TAS2R4: variants seen among roughly 807,000 people sequenced by gnomAD.
TAS2R4 encodes the protein taste receptor type 2 member 4.
In TAS2R4, 18 loss-of-function variants were observed where a neutral mutation model predicts 14.3. The ratio of observed to expected loss-of-function variants is 1.26; its 90% confidence interval spans 0.87 to 1.86. The LOEUF (loss-of-function observed/expected upper bound fraction) is 1.86, where lower values mean the gene tolerates loss of function less well. Among genes scored for constraint, TAS2R4 ranks in the 40% most tolerant of loss-of-function variants. TAS2R4 has a pLI of 0.00. For synonymous variants in TAS2R4, 130 were observed against 138.5 expected (o/e 0.94, Z 0.43); for missense variants, 306 against 342.7 (o/e 0.89, Z 0.85).
At position 141,779,295 on chromosome 7, in the gene TAS2R4, CACCCTTT is replaced by C; in HGVS notation, c.810_816del (p.Tyr272GlnfsTer14). 6.2e-7 allele frequency: 1 copy of C among 1,614,150 alleles called. No homozygotes were observed. Among genetic ancestry groups the C allele is most frequent in the Non-Finnish European group, 8.5e-7 (1 of 1,180,028 alleles). On this transcript the variant is annotated frameshift_variant, in exon 1 of 1. Transcript: ENST00000247881. LOFTEE classifies it high-confidence loss of function. The stretch of plus-strand genomic sequence containing the variant: ...CCAAATCCATTTGTCTGATTTTTGC[CACCCTTT>C]ACTCTCCAGGACATTCTGTTCTCAT...
At position 141,778,406 on chromosome 7, in the gene TAS2R4, A is replaced by C; in HGVS notation, c.-83A>C. 1 of 1,298,954 alleles carries C rather than the reference A, an allele frequency of 7.7e-7. No homozygotes were observed. Among genetic ancestry groups the C allele is most frequent in the Non-Finnish European group, 1.1e-6 (1 of 943,368 alleles). 80.5% of individuals were successfully genotyped at this position (1,298,954 alleles called of 1,614,324 possible). ...AAAAGGAGATGTCCTTCCTGGCTGG[A>C]TACTGGTGTCTGCTTATACATTTTG... is the stretch of plus-strand genomic sequence containing the variant. On this transcript the variant is annotated 5_prime_UTR_variant, in exon 1 of 1. Transcript: ENST00000247881.
In TAS2R4 at chr7:141,778,669, C is replaced by T; in HGVS notation, c.181C>T (p.Leu61=). 6.2e-7 allele frequency: 1 copy of T among 1,614,206 alleles called. No homozygotes were observed. The highest frequency in any genetic ancestry group is 1.3e-5 in the African/African-American group (1 of 75,046). Residue 61 remains leucine, a synonymous_variant, in exon 1 of 1, where the codon CTA becomes TTA. Transcript: ENST00000247881. ...LGITRFLMLG[L]FLVNTIYFVS... is the part of the protein sequence containing the mutation. ...CATCACCAGGTTTCTTATGCTGGGA[C>T]TATTTCTGGTGAACACCATCTACTT...
rs952699726 is a variant in TAS2R4 at position 141,777,842 on chromosome 7, A to T, written c.-647A>T. 6.6e-6 allele frequency among the ~76,000 whole-genome samples: 1 copy of T among 152,234 alleles called. No homozygotes were observed. Among genetic ancestry groups the T allele is most frequent in the Non-Finnish European group, 1.5e-5 (1 of 68,044 alleles). ...AGCAAAGGGCATCAGAAAGAATGGGATTAATTGAGAAAGGTTTTCTCAAGG... is the reference window on the plus strand; with the variant it reads ...AGCAAAGGGCATCAGAAAGAATGGGTTTAATTGAGAAAGGTTTTCTCAAGG... On this transcript the variant is annotated 5_prime_UTR_variant, in exon 1 of 1. Transcript: ENST00000247881.
Position 141,776,746 on chromosome 7 carries a change from A to T in TAS2R4, c.-1743A>T, listed in dbSNP as rs1191796748. Among the ~76,000 whole-genome samples the T allele has an allele frequency of 1.3e-5, 2 of 151,740 alleles. No homozygotes were observed. The highest frequency in any genetic ancestry group is 2.4e-5 in the African/African-American group (1 of 41,240). On this transcript the variant is annotated 5_prime_UTR_variant, in exon 1 of 1. Coordinates refer to ENST00000247881, the MANE Select transcript of TAS2R4 (RefSeq NM_016944.2). Reference sequence around the variant, plus strand: ...TATCCTTATCATCCTTATCATCATGATAAGGAAAACAGCTAGGAAGTTTAA... The same window carrying T: ...TATCCTTATCATCCTTATCATCATGTTAAGGAAAACAGCTAGGAAGTTTAA...
Position 141,778,310 on chromosome 7 carries a change from AG to A in TAS2R4, c.-178del. On this transcript the variant is annotated 5_prime_UTR_variant, in exon 1 of 1. Transcript: ENST00000247881. ...AAGAAATAGTAATGTAATCCTTGGA[AG>A]ATTTGCATCTCAGTAAAATCAGGTG... 1.7e-6 allele frequency: 1 copy of A among 599,130 alleles called. No homozygotes were observed. The highest frequency in any genetic ancestry group is 1.8e-5 in the African/African-American group (1 of 54,072). The allele number at this position is 599,130 out of a possible 1,614,324, so 37.1% of individuals were successfully genotyped here.
rs1800263056 is a variant in TAS2R4 at position 141,777,863 on chromosome 7, C to T, written c.-626C>T. Among the ~76,000 whole-genome samples, 1 of 152,154 alleles carries T rather than the reference C, an allele frequency of 6.6e-6. No homozygotes were observed. Among genetic ancestry groups the T allele is most frequent in the South Asian group, 2.1e-4 (1 of 4,820 alleles). The stretch of plus-strand genomic sequence containing the variant: ...TGGGATTAATTGAGAAAGGTTTTCT[C>T]AAGGAGGTATTGGGTCTTTGAACTT... On this transcript the variant is annotated 5_prime_UTR_variant, in exon 1 of 1. Transcript: ENST00000247881.
In TAS2R4 at chr7:141,779,204, AC is replaced by A; in HGVS notation, c.717del (p.Tyr239Ter). On this transcript the variant is annotated frameshift_variant, in exon 1 of 1. Coordinates refer to ENST00000247881, the MANE Select transcript of TAS2R4 (RefSeq NM_016944.2). LOFTEE classifies it high-confidence loss of function. ...MKLMVYFLIL[Y>X]IPYSVATLVQ... ...CTGATGGTCTATTTCCTCATCCTCT[AC>A]ATTCCATATTCAGTTGCTACCCTGG... is the stretch of plus-strand genomic sequence containing the variant. The A allele has an allele frequency of 6.2e-7, 1 of 1,614,178 alleles. No homozygotes were observed. The highest frequency in any genetic ancestry group is 8.5e-7 in the Non-Finnish European group (1 of 1,180,018).
At position 141,778,964 on chromosome 7, in the gene TAS2R4, T is replaced by G. The variant is rs753109797; in HGVS notation, c.476T>G (p.Leu159Arg). ...AGCCAGGCATCACCTTTTCCTGAAC[T>G]TGTGACTACGAGAAATAACACATCA... ...TLSQASPFPE[L>R]VTTRNNTSFN... The change falls in exon 1 of 1, where the codon CTT (leucine) becomes CGT (arginine). Residue 159 changes from leucine (L) to arginine (R), a missense_variant. Physicochemically the swap from Leu to Arg is moderately radical, Grantham distance 102. Transcript: ENST00000247881. The G allele has an allele frequency of 6.2e-7, 1 of 1,614,244 alleles. No homozygotes were observed. The highest frequency in any genetic ancestry group is 1.3e-5 in the African/African-American group (1 of 75,058).
chr7:141,778,675 C>T lies in TAS2R4; in HGVS notation c.187C>T (p.Leu63=), dbSNP rs897090818. 2 of 1,614,214 alleles carry T rather than the reference C, an allele frequency of 1.2e-6. No individual in the cohort carries two copies. The highest frequency in any genetic ancestry group is 2.7e-5 in the African/African-American group (2 of 75,048). Residue 63 remains leucine, a synonymous_variant, in exon 1 of 1, where the codon CTG becomes TTG. Coordinates refer to ENST00000247881, the MANE Select transcript of TAS2R4 (RefSeq NM_016944.2). The part of the protein sequence containing the change: ...ITRFLMLGLF[L]VNTIYFVSSN... ...CAGGTTTCTTATGCTGGGACTATTT[C>T]TGGTGAACACCATCTACTTCGTCTC...
chr7:141,779,216 C>A lies in TAS2R4; in HGVS notation c.728C>A (p.Ser243Ter). The change falls in exon 1 of 1, where the codon TCA becomes TAA. Residue 243 changes from serine to a stop codon, truncating the protein, a stop_gained. Coordinates refer to ENST00000247881, the MANE Select transcript of TAS2R4 (RefSeq NM_016944.2). LOFTEE classifies it high-confidence loss of function. ...VYFLILYIPY[S>*]VATLVQYLPF... ...TTCCTCATCCTCTACATTCCATATT[C>A]AGTTGCTACCCTGGTCCAGTATCTC... 6.2e-7 allele frequency: 1 copy of A among 1,614,204 alleles called. No individual in the cohort carries two copies.
In TAS2R4 at chr7:141,777,470, A is replaced by G. The variant is rs1800257849; in HGVS notation, c.-1019A>G. Reference sequence around the variant, plus strand: ...CACCTTGGTTTCATTCAGCTGCTAGAGAAGATAAGAGATGCCATACTCTTA... The same window carrying G: ...CACCTTGGTTTCATTCAGCTGCTAGGGAAGATAAGAGATGCCATACTCTTA... On this transcript the variant is annotated 5_prime_UTR_variant, in exon 1 of 1. Coordinates refer to ENST00000247881, the MANE Select transcript of TAS2R4 (RefSeq NM_016944.2). Among the ~76,000 whole-genome samples the G allele has an allele frequency of 6.6e-6, 1 of 152,206 alleles. No individual in the cohort carries two copies. The highest frequency in any genetic ancestry group is 1.5e-5 in the Non-Finnish European group (1 of 68,032).
At position 141,779,704 on chromosome 7, in the gene TAS2R4, C is replaced by A; in HGVS notation, c.*316C>A. 4.0e-6 allele frequency: 1 copy of A among 250,028 alleles called. No homozygotes were observed. The highest frequency in any genetic ancestry group is 2.3e-5 in the African/African-American group (1 of 44,234). The allele number at this position is 250,028 out of a possible 1,614,324, so 15.5% of individuals were successfully genotyped here. On this transcript the variant is annotated 3_prime_UTR_variant, in exon 1 of 1. Coordinates refer to ENST00000247881, the MANE Select transcript of TAS2R4 (RefSeq NM_016944.2). ...TATTGAAGTATAATGGGAAATTCTT[C>A]CAAATTAGAGAACACATTGGGGTGC...
rs1800316189 is a variant in TAS2R4 at position 141,781,238 on chromosome 7, A to G, written c.*1850A>G. On this transcript the variant is annotated 3_prime_UTR_variant, in exon 1 of 1. Coordinates refer to ENST00000247881, the MANE Select transcript of TAS2R4 (RefSeq NM_016944.2). The stretch of plus-strand genomic sequence containing the variant: ...ACATCATGATTGTCTATCTTGGACA[A>G]TGCAGATGAGGTGAATGCTTGGGAT... 6.6e-6 allele frequency among the ~76,000 whole-genome samples: 1 copy of G among 152,180 alleles called. No individual in the cohort carries two copies.
At position 141,779,542 on chromosome 7, in the gene TAS2R4, ATT is replaced by A. The variant is rs3840580; in HGVS notation, c.*165_*166del. 0.46 allele frequency: 279,468 copies of A among 608,996 alleles called. 62,008 individuals are homozygous for A. Among genetic ancestry groups the A allele is most frequent in the East Asian group, 0.65 (20,608 of 31,668 alleles). The allele number at this position is 608,996 out of a possible 1,614,324, so 37.7% of individuals were successfully genotyped here. On this transcript the variant is annotated 3_prime_UTR_variant, in exon 1 of 1. Coordinates refer to ENST00000247881, the MANE Select transcript of TAS2R4 (RefSeq NM_016944.2). ...TGCCTGAATTTCAGTTCATTCTGTA[ATT>A]TTTTTTTTTTGGTATGTAAGTATTT...
rs548412930 is a variant in TAS2R4, at chr7:141,777,651, G to C, written c.-838G>C. ...CTGTGTATCTCATTCCAGGGTACCT[G>C]GATTGACAGTTAAATGCCTAAGAGA... On this transcript the variant is annotated 5_prime_UTR_variant, in exon 1 of 1. Transcript: ENST00000247881. Among the ~76,000 whole-genome samples the C allele has an allele frequency of 6.6e-6, 1 of 152,252 alleles. No individual in the cohort carries two copies. Among genetic ancestry groups the C allele is most frequent in the Admixed American group, 6.5e-5 (1 of 15,298 alleles).
At position 141,781,272 on chromosome 7, in the gene TAS2R4, A is replaced by G. The variant is rs1436650687; in HGVS notation, c.*1884A>G. On this transcript the variant is annotated 3_prime_UTR_variant, in exon 1 of 1. Coordinates refer to ENST00000247881, the MANE Select transcript of TAS2R4 (RefSeq NM_016944.2). ...AGGTGAATGCTTGGGATAGTGAAGT[A>G]ATTCTCCATCCTAGAGCTGGCTCCA... Among the ~76,000 whole-genome samples the G allele has an allele frequency of 2.0e-5, 3 of 152,178 alleles. No homozygotes were observed. The East Asian group carries it at 5.8e-4, about 29-fold the overall frequency.
At position 141,780,784 on chromosome 7, in the gene TAS2R4, CAT is replaced by C. The variant is rs1455912461; in HGVS notation, c.*1399_*1400del. On this transcript the variant is annotated 3_prime_UTR_variant, in exon 1 of 1. Coordinates refer to ENST00000247881, the MANE Select transcript of TAS2R4 (RefSeq NM_016944.2). ...TCATAAAATGCTTATGTAATATTTA[CAT>C]ATGTCAAATAAATCTTAAAATTTTA... is the stretch of plus-strand genomic sequence containing the variant. 1 of 152,210 alleles carries C rather than the reference CAT, an allele frequency of 6.6e-6. No individual in the cohort carries two copies. The highest frequency in any genetic ancestry group is 1.9e-4 in the East Asian group (1 of 5,174). The allele number at this position is 152,210 out of a possible 1,614,324, so 9.4% of individuals were successfully genotyped here. A position where few individuals can be genotyped will look rare whatever the true frequency, so the allele number is the denominator to read the frequency against.
chr7:141,780,159 G>C lies in TAS2R4; in HGVS notation c.*771G>C, dbSNP rs1800304656. On this transcript the variant is annotated 3_prime_UTR_variant, in exon 1 of 1. Coordinates refer to ENST00000247881, the MANE Select transcript of TAS2R4 (RefSeq NM_016944.2). ...GGAGGCGGAGCTTGCAGTGAGATGAGATCGCGCCACTGCACTCCAGTCTGG... is the reference window on the plus strand; with the variant it reads ...GGAGGCGGAGCTTGCAGTGAGATGACATCGCGCCACTGCACTCCAGTCTGG... 1 of 152,472 alleles carries C rather than the reference G, an allele frequency of 6.6e-6. No individual in the cohort carries two copies. The highest frequency in any genetic ancestry group is 1.5e-5 in the Non-Finnish European group (1 of 68,310). 9.4% of individuals were successfully genotyped at this position (152,472 alleles called of 1,614,324 possible).
rs1470667613 is a variant in TAS2R4, at chr7:141,779,087, T to TA, written c.600dup (p.His201ThrfsTer86). 20 of 1,614,114 alleles carry TA rather than the reference T, an allele frequency of 1.2e-5. No homozygotes were observed. Among genetic ancestry groups the TA allele is most frequent in the Non-Finnish European group, 1.6e-5 (19 of 1,180,044 alleles). On this transcript the variant is annotated frameshift_variant, in exon 1 of 1. Transcript: ENST00000247881. LOFTEE classifies it high-confidence loss of function. ...AATGTGACTTCTGCTTCCTTGCTAA[T>TA]ACACTCCTTGAGGAGACATATACAG...
Sources: allele counts gnomAD v4.1 joint callset (sites outside exome capture counted in the v4.1 genomes callset), GRCh38; gene constraint gnomAD v4.1.1; transcripts MANE v1.5; gene names NCBI Gene and HGNC (gene_info 2026-07-23, HGNC 2026-07-21).